The following GABRA1 variants were observed in gnomAD, a reference collection of about 807,000 sequenced individuals.
The protein encoded by GABRA1 is gamma-aminobutyric acid receptor subunit alpha-1.
A neutral mutation model predicts 48.9 loss-of-function variants in GABRA1; 9 were observed. That is an observed-to-expected ratio of 0.18 (90% CI 0.11 to 0.32). The LOEUF (loss-of-function observed/expected upper bound fraction) is 0.32, where lower values mean the gene tolerates loss of function less well. GABRA1 is among the 10% of genes least tolerant of loss of function. The probability of loss-of-function intolerance (pLI) is 1.00; values close to 1 mark genes in which losing one functional copy is unlikely to be tolerated. For missense variants in GABRA1, 285 were observed against 553.8 expected, an observed-to-expected ratio of 0.51 and a Z score of 4.87; for synonymous variants, 210 against 198.7, an observed-to-expected ratio of 1.06 and a Z score of -0.48.
chr5:161,872,984 G>A (rs928764487), intron 4 of GABRA1, 133 bp from the exon 5 acceptor site: 5 of 746,300 alleles, frequency 6.7e-6, no homozygotes, highest in East Asian at 2.5e-5. Flanking sequence ...GCTATCACAC[G>A]TTTACTTCTA....
At chr5:161,875,783 T>C in intron 6 of GABRA1, 141 bp downstream of exon 6, 1 of 706,948 alleles carries the variant, frequency 1.4e-6, no homozygotes, top group Non-Finnish European at 2.6e-6. Flanking sequence ...CCATAAGTAG[T>C]GCTCTGTGAC....
chr5:161,884,747 AG>A (rs1220016905), intron 7 of GABRA1, among the ~76,000 whole-genome samples: 1 of 152,200 alleles, frequency 6.6e-6, no homozygotes, highest in Non-Finnish European at 1.5e-5. Flanking sequence ...AGTAGTATGC[AG>A]GCATATATGT....
At chr5:161,850,967 A>G (rs1467773040) in intron 2 of GABRA1, 83 bp downstream of exon 2, 5 of 1,137,564 alleles carry the variant, frequency 4.4e-6, no homozygotes, top group Non-Finnish European at 4.0e-6. Flanking sequence ...TTGTCCTCAA[A>G]TGAATTTATG....
At chr5:161,858,924 G>C (rs562521479) in intron 3 of GABRA1, among the ~76,000 whole-genome samples, 75 of 151,842 alleles carry the variant, frequency 4.9e-4, no homozygotes, top group East Asian at 3.5e-3. Flanking sequence ...AGACAGCAAA[G>C]GAAACAGAGA....
rs1194454529 is a variant in GABRA1 at position 161,852,597 on chromosome 5, C to T, written c.75-1561C>T. 1.3e-5 allele frequency among the ~76,000 whole-genome samples: 2 copies of T among 151,716 alleles called. 1 individual carries two copies. The highest frequency in any genetic ancestry group is 4.2e-4 in the South Asian group (2 of 4,814). On this transcript the variant is annotated intron_variant, in intron 2 of 9. Transcript: ENST00000393943. Reference sequence around the variant, plus strand: ...ATTTTTGCCTTACTGTTGTCTTCTGCCAATGAGACATACTGGAAGACACTT... The same window carrying T: ...ATTTTTGCCTTACTGTTGTCTTCTGTCAATGAGACATACTGGAAGACACTT...
At chr5:161,870,158 A>C (rs1754042558) in intron 4 of GABRA1, among the ~76,000 whole-genome samples, 1 of 152,118 alleles carries the variant, frequency 6.6e-6, no homozygotes, top group Non-Finnish European at 1.5e-5. Context: ...GGGACTTAGC[A>C]AGCGTAAAAT....
At chr5:161,882,290 T>C (rs1447607062) in intron 6 of GABRA1, 1 of 492,226 alleles carries the variant, frequency 2.0e-6, no homozygotes, top group African/African-American at 1.9e-5. Flanking sequence ...AGAACATTTG[T>C]TCTTATATTC....
rs559715546 is a variant in GABRA1, at chr5:161,853,338, C to A, written c.75-820C>A. On this transcript the variant is annotated intron_variant, in intron 2 of 9. Transcript: ENST00000393943. The stretch of plus-strand genomic sequence containing the variant: ...GCAACGTTTAAATATAAATAATTAT[C>A]CCAATATAGAAGAAGAAAATAAAGT... Among the ~76,000 whole-genome samples the A allele has an allele frequency of 2.6e-5, 4 of 151,768 alleles. No individual in the cohort carries two copies. In the South Asian group the frequency reaches 8.3e-4, roughly 32 times the overall value.
chr5:161,888,488 T>C (rs1212224683), intron 7 of GABRA1, among the ~76,000 whole-genome samples: 1 of 152,140 alleles, frequency 6.6e-6, no homozygotes, highest in African/African-American at 2.4e-5. Context: ...CCAAAAATTA[T>C]ATTCTTTTCA....
At chr5:161,874,367 G>A (rs1335533424) in intron 5 of GABRA1, among the ~76,000 whole-genome samples, 2 of 152,068 alleles carry the variant, frequency 1.3e-5, no homozygotes, top group Non-Finnish European at 2.9e-5. Flanking sequence ...GATAGAAATA[G>A]AGGACCAATG....
At chr5:161,871,090 A>G (rs1366562175) in intron 4 of GABRA1, among the ~76,000 whole-genome samples, 1 of 152,134 alleles carries the variant, frequency 6.6e-6, no homozygotes, top group Non-Finnish European at 1.5e-5. Context: ...CAAACACAAT[A>G]AACATGTGAA....
intron 9 of GABRA1, 92 bp downstream of exon 9, chr5:161,895,960 T>C: frequency 4.9e-6 from 5 of 1,022,542 alleles, no homozygotes; most frequent in South Asian, 2.5e-5. Context: ...TTGGATGGAG[T>C]ATGCAGAATA....
intron 1 of GABRA1, 102 bp downstream of exon 1, chr5:161,848,524 GA>G: frequency 2.4e-5 from 1 of 41,100 alleles, no homozygotes; most frequent in Admixed American, 1.9e-4. Flanking sequence ...GGGGCGGGGG[GA>G]GACGGGGGGA....
chr5:161,855,539 A>T (rs904857848), intron 3 of GABRA1, among the ~76,000 whole-genome samples: 1 of 151,532 alleles, frequency 6.6e-6, no homozygotes, highest in Non-Finnish European at 1.5e-5. Context: ...GTTTTTAGAA[A>T]AAATTCTTTA....
At chr5:161,860,510 G>A (rs1046694608) in intron 3 of GABRA1, among the ~76,000 whole-genome samples, 13 of 151,738 alleles carry the variant, frequency 8.6e-5, no homozygotes, top group African/African-American at 3.1e-4. Flanking sequence ...GGTGGGGATG[G>A]TTAATGGGTA....
At chr5:161,853,556 G>C (rs1412173714) in intron 2 of GABRA1, 1 of 151,806 alleles carries the variant, frequency 6.6e-6, no homozygotes, top group Non-Finnish European at 1.5e-5. Context: ...AGATGTTTGA[G>C]CAGACAAATT....
Position 161,892,415 on chromosome 5 carries a change from G to T in GABRA1, c.856+1365G>T, listed in dbSNP as rs912774811. Among the ~76,000 whole-genome samples, 6 of 152,172 alleles carry T rather than the reference G, an allele frequency of 3.9e-5. No homozygotes were observed. The South Asian group carries it at 1.2e-3, about 31-fold the overall frequency. ...AGACTCTGCTACAAGTACCAGAAACGTGTATTTTCTTCTGAACTTGGCAAT... is the reference window on the plus strand; with the variant it reads ...AGACTCTGCTACAAGTACCAGAAACTTGTATTTTCTTCTGAACTTGGCAAT... On this transcript the variant is annotated intron_variant, in intron 8 of 9. Transcript: ENST00000393943.
chr5:161,865,657 T>A (rs1753804156), intron 3 of GABRA1, 64 bp from the exon 4 acceptor site: 18 of 1,255,836 alleles, frequency 1.4e-5, no homozygotes, highest in Non-Finnish European at 2.0e-5. Context: ...TGTCAGTATG[T>A]GGTGGTGAGA....
rs535713112 is a variant in GABRA1 at position 161,866,985 on chromosome 5, T to C, written c.255+1197T>C. Among the ~76,000 whole-genome samples the C allele has an allele frequency of 1.1e-4, 16 of 152,280 alleles. No individual in the cohort carries two copies. The South Asian group carries it at 3.1e-3, about 30-fold the overall frequency. Reference sequence around the variant, plus strand: ...AAGGGTATATCCTTAGGGAAGTTACTTAATATCTCTCCAGATCAGTTTCTT... The same window carrying C: ...AAGGGTATATCCTTAGGGAAGTTACCTAATATCTCTCCAGATCAGTTTCTT... On this transcript the variant is annotated intron_variant, in intron 4 of 9. Transcript: ENST00000393943.
Sources: gnomAD v4.1 joint callset for allele counts (sites outside exome capture counted in the v4.1 genomes callset) on GRCh38, gnomAD v4.1.1 for gene constraint, MANE v1.5 for transcripts, NCBI Gene and HGNC (gene_info 2026-07-23, HGNC 2026-07-21) for gene names.